FAM81B: variants seen among roughly 807,000 people sequenced by gnomAD.
FAM81B encodes the protein protein FAM81B.
In FAM81B, 60 loss-of-function variants were observed where a neutral mutation model predicts 58.7. That is an observed-to-expected ratio of 1.02 (90% CI 0.83 to 1.27). The LOEUF (loss-of-function observed/expected upper bound fraction) is 1.27, where lower values mean the gene tolerates loss of function less well. FAM81B is among the 50% of genes most tolerant of loss of function. FAM81B has a pLI of 0.00. For missense variants in FAM81B, 491 were observed against 522.0 expected, an observed-to-expected ratio of 0.94 and a Z score of 0.58; for synonymous variants, 189 against 179.6, an observed-to-expected ratio of 1.05 and a Z score of -0.42.
At chr5:95,414,991 C>T (rs1346504206) in intron 4 of FAM81B, among the ~76,000 whole-genome samples, 1 of 152,096 alleles carries the variant, frequency 6.6e-6, no homozygotes, top group African/African-American at 2.4e-5. Flanking sequence ...ATATCCCATA[C>T]CAGACAACAG....
intron 4 of FAM81B, among the ~76,000 whole-genome samples, chr5:95,415,241 G>A (rs772441915): frequency 3.9e-5 from 6 of 152,140 alleles, no homozygotes; most frequent in Non-Finnish European, 2.9e-5. Context: ...TAGGAAACTG[G>A]CCCAAAACTT....
At chr5:95,441,426 G>A (rs1461242129) in intron 7 of FAM81B, among the ~76,000 whole-genome samples, 1 of 151,882 alleles carries the variant, frequency 6.6e-6, no homozygotes, top group East Asian at 1.9e-4. Flanking sequence ...AAAATTAGCC[G>A]GCCGTGGTGG....
intron 3 of FAM81B, among the ~76,000 whole-genome samples, chr5:95,403,214 G>T (rs545446754): frequency 6.6e-6 from 1 of 152,268 alleles, no homozygotes; most frequent in African/African-American, 2.4e-5. Flanking sequence ...GTAGGTTTGT[G>T]TTGGAGTGGA....
rs540866079 is a variant in FAM81B, at chr5:95,448,172, C to T, written c.1030-97C>T. 4.0e-4 allele frequency: 473 copies of T among 1,191,986 alleles called. 4 individuals carry two copies. The South Asian group carries it at 7.0e-3, about 18-fold the overall frequency. The allele number at this position is 1,191,986 out of a possible 1,614,324, so 73.8% of individuals were successfully genotyped here. A position where few individuals can be genotyped will look rare whatever the true frequency, so the allele number is the denominator to read the frequency against. On this transcript the variant is annotated intron_variant, in intron 8 of 9. Coordinates refer to ENST00000283357, the MANE Select transcript of FAM81B (RefSeq NM_152548.3). The stretch of plus-strand genomic sequence containing the variant: ...AAGGAACTTGGTTTGAATTTTCATG[C>T]TTAACATAGAAAAATGAATGTTAAA...
chr5:95,401,792 C>T lies in FAM81B; in HGVS notation c.293+5617C>T, dbSNP rs149671170. Among the ~76,000 whole-genome samples the T allele has an allele frequency of 9.2e-5, 14 of 152,314 alleles. No individual in the cohort carries two copies. The East Asian group carries it at 2.5e-3, about 27-fold the overall frequency. On this transcript the variant is annotated intron_variant, in intron 3 of 9. Coordinates refer to ENST00000283357, the MANE Select transcript of FAM81B (RefSeq NM_152548.3). ...AAATTTAGGGCTCTATTCACAAGAA[C>T]AGAACAGGCAGGGAAGTGAGAGGCT...
intron 5 of FAM81B, 96 bp downstream of exon 5, chr5:95,420,498 G>A (rs79003032): frequency 2.6e-6 from 4 of 1,527,938 alleles, no homozygotes; most frequent in Non-Finnish European, 3.6e-6. Flanking sequence ...AAAAGATATT[G>A]TCTACACATT....
chr5:95,442,410 C>T (rs908762482), intron 7 of FAM81B, among the ~76,000 whole-genome samples: 2 of 152,170 alleles, frequency 1.3e-5, no homozygotes, highest in Non-Finnish European at 2.9e-5. Flanking sequence ...GCACCCAGCT[C>T]TGCAGGGTGG....
chr5:95,416,555 A>C (rs551798631), intron 4 of FAM81B, among the ~76,000 whole-genome samples: 181 of 152,314 alleles, frequency 1.2e-3, no homozygotes, highest in African/African-American at 3.9e-3. Flanking sequence ...TAGGAAAAAA[A>C]TGTTTAAACT....
chr5:95,396,508 A>G (rs897052356), intron 3 of FAM81B: 5 of 176,106 alleles, frequency 2.8e-5, no homozygotes, highest in African/African-American at 1.2e-4. Context: ...TTCAAAATAA[A>G]CCAAGTAAAG....
intron 4 of FAM81B, among the ~76,000 whole-genome samples, chr5:95,419,229 G>T (rs1029380179): frequency 1.3e-5 from 2 of 152,144 alleles, no homozygotes; most frequent in African/African-American, 4.8e-5. Context: ...TAAAAAATGA[G>T]CAAGAGTCTG....
intron 3 of FAM81B, among the ~76,000 whole-genome samples, chr5:95,411,493 G>A (rs1762404109): frequency 6.6e-6 from 1 of 152,102 alleles, no homozygotes; most frequent in South Asian, 2.1e-4. Flanking sequence ...ACTAACAACA[G>A]TCATATGGGT....
intron 7 of FAM81B, among the ~76,000 whole-genome samples, chr5:95,437,475 G>C (rs1362696725): frequency 6.6e-6 from 1 of 152,170 alleles, no homozygotes; most frequent in Non-Finnish European, 1.5e-5. Context: ...CTCCTGAGTA[G>C]CTGGGATTAC....
In FAM81B at chr5:95,410,476, C is replaced by T. The variant is rs149281405; in HGVS notation, c.294-3471C>T. Reference sequence around the variant, plus strand: ...AATCTGGCCCTAAAATCTGCTGTCCCGAGGACATTTTCACTTCCAAGAAAA... The same window carrying T: ...AATCTGGCCCTAAAATCTGCTGTCCTGAGGACATTTTCACTTCCAAGAAAA... On this transcript the variant is annotated intron_variant, in intron 3 of 9. Transcript: ENST00000283357. Among the ~76,000 whole-genome samples the T allele has an allele frequency of 1.4e-3, 211 of 152,260 alleles. 2 individuals carry two copies. Among genetic ancestry groups the T allele is most frequent in the African/African-American group, 3.9e-3 (163 of 41,548 alleles).
At chr5:95,428,779 T>A (rs757445278) in intron 6 of FAM81B, 47 bp downstream of exon 6, 1 of 1,611,810 alleles carries the variant, frequency 6.2e-7, no homozygotes, top group Admixed American at 1.7e-5. Context: ...CTGCCAGAAG[T>A]AAGATCATTA....
chr5:95,404,564 A>G (rs1242387104), intron 3 of FAM81B, among the ~76,000 whole-genome samples: 1 of 151,964 alleles, frequency 6.6e-6, no homozygotes, highest in African/African-American at 2.4e-5. Context: ...TGCTCAAGAG[A>G]GTAAACTATG....
At chr5:95,436,615 T>C (rs1273138077) in intron 6 of FAM81B, among the ~76,000 whole-genome samples, 185 bp from the exon 7 acceptor site, 2 of 152,252 alleles carry the variant, frequency 1.3e-5, no homozygotes, top group East Asian at 3.8e-4. Context: ...AGTGTAACTG[T>C]AATACTCATT....
chr5:95,423,547 TAAAAAAAAA>T lies in FAM81B; in HGVS notation c.656+3158_656+3166del, dbSNP rs70978187. On this transcript the variant is annotated intron_variant, in intron 5 of 9. Transcript: ENST00000283357. The stretch of plus-strand genomic sequence containing the variant: ...ACTCCAGAACAAACCTGCATGTGGG[TAAAAAAAAA>T]AAAAAAAAAAAAGATAAATTTTGTT... 8.4e-3 allele frequency among the ~76,000 whole-genome samples: 1,038 copies of T among 123,464 alleles called. 6 individuals are homozygous for T. Among genetic ancestry groups the T allele is most frequent in the Admixed American group, 0.012 (139 of 11,768 alleles). 81.0% of individuals were successfully genotyped at this position (123,464 alleles called of 152,430 possible).
chr5:95,417,728 G>A (rs1414977647), intron 4 of FAM81B, among the ~76,000 whole-genome samples: 2 of 152,108 alleles, frequency 1.3e-5, no homozygotes, highest in Admixed American at 6.5e-5. Flanking sequence ...TTTCTATGGT[G>A]TAAATACTCC....
intron 3 of FAM81B, among the ~76,000 whole-genome samples, chr5:95,401,789 G>A (rs1762121028): frequency 6.6e-6 from 1 of 152,152 alleles, no homozygotes; most frequent in African/African-American, 2.4e-5. Flanking sequence ...CTATTCACAA[G>A]AACAGAACAG....
Sources: allele counts gnomAD v4.1 joint callset (sites outside exome capture counted in the v4.1 genomes callset), GRCh38; gene constraint gnomAD v4.1.1; transcripts MANE v1.5; gene names NCBI Gene and HGNC (gene_info 2026-07-23, HGNC 2026-07-21).